EML4: variants seen among roughly 807,000 people sequenced by gnomAD.
EML4 encodes echinoderm microtubule-associated protein-like 4.
EML4 carries 72 observed loss-of-function variants against 129.0 expected under a neutral mutation model. That is an observed-to-expected ratio of 0.56 (90% CI 0.46 to 0.68). The LOEUF is 0.68. Ranked by LOEUF, EML4 falls within the 30% of genes least tolerant of loss-of-function variation. EML4 has a pLI of 0.00. For missense variants in EML4, 1,363 were observed against 1,190.6 expected (o/e 1.14, Z -2.13); for synonymous variants, 532 against 405.0 (o/e 1.31, Z -3.77).
At chr2:42,240,320 T>C (rs1018486387) in intron 1 of EML4, among the ~76,000 whole-genome samples, 3 of 152,216 alleles carry the variant, frequency 2.0e-5, no homozygotes, top group African/African-American at 7.2e-5. Flanking sequence ...AGCAAAAATT[T>C]ATTTTTATTT....
intron 13 of EML4, among the ~76,000 whole-genome samples, chr2:42,298,215 A>C (rs1309997056): frequency 6.6e-6 from 1 of 152,210 alleles, no homozygotes; most frequent in African/African-American, 2.4e-5. Context: ...TAAATTTCAA[A>C]GTCTCCCTAA....
At position 42,301,316 on chromosome 2, in the gene EML4, T is replaced by A; in HGVS notation, c.1565T>A (p.Met522Lys). ...VFTLCQMRNG[M>K]LLTGGGKDRK... is the part of the protein sequence containing the mutation. The stretch of plus-strand genomic sequence containing the variant: ...ACACTTTGTCAGATGAGAAATGGGA[T>A]GTTATTAACTGGAGGAGGGAAAGAC... The change falls in exon 14 of 23, where the codon ATG becomes AAG. Residue 522 changes from methionine (M) to lysine (K), a missense_variant. Transcript: ENST00000318522. The A allele has an allele frequency of 1.9e-6, 3 of 1,613,406 alleles. No individual in the cohort carries two copies. Among genetic ancestry groups the A allele is most frequent in the Non-Finnish European group, 2.5e-6 (3 of 1,179,600 alleles).
intron 1 of EML4, among the ~76,000 whole-genome samples, chr2:42,232,828 C>G (rs905667861): frequency 1.3e-5 from 2 of 152,064 alleles, no homozygotes; most frequent in African/African-American, 4.8e-5. Flanking sequence ...GAGTTCATGC[C>G]ATTCTCCTGC....
At chr2:42,177,490 G>T (rs1014280934) in intron 1 of EML4, among the ~76,000 whole-genome samples, 1 of 152,028 alleles carries the variant, frequency 6.6e-6, no homozygotes, top group African/African-American at 2.4e-5. Flanking sequence ...AGGCATGGTG[G>T]TGCACGCCTG....
chr2:42,208,363 AT>A (rs1401797807), intron 1 of EML4, among the ~76,000 whole-genome samples: 1 of 151,406 alleles, frequency 6.6e-6, no homozygotes, highest in Non-Finnish European at 1.5e-5. Flanking sequence ...ATATTAAAAA[AT>A]TTTTATTTTA....
At position 42,303,524 on chromosome 2, in the gene EML4, A is replaced by G. The variant is rs1668415619; in HGVS notation, c.1899+78A>G. 2.7e-6 allele frequency: 4 copies of G among 1,496,790 alleles called. No homozygotes were observed. In the South Asian group the frequency reaches 4.8e-5, roughly 18 times the overall value. The allele number at this position is 1,496,790 out of a possible 1,614,324, so 92.7% of individuals were successfully genotyped here. On this transcript the variant is annotated intron_variant, in intron 16 of 22. Transcript: ENST00000318522. Reference sequence around the variant, plus strand: ...GGCAGTTGAGAGCAGCAAAGTAAAAAGGACTAAGTGTTGATTCAAACCAAA... The same window carrying G: ...GGCAGTTGAGAGCAGCAAAGTAAAAGGGACTAAGTGTTGATTCAAACCAAA...
chr2:42,258,930 A>C (rs966637338), intron 3 of EML4, among the ~76,000 whole-genome samples: 1 of 152,232 alleles, frequency 6.6e-6, no homozygotes, highest in Non-Finnish European at 1.5e-5. Flanking sequence ...ATCGAATTAC[A>C]AAATGTCCTT....
At chr2:42,266,424 A>C (rs1291926062) in intron 6 of EML4, among the ~76,000 whole-genome samples, 1 of 152,150 alleles carries the variant, frequency 6.6e-6, no homozygotes, top group Non-Finnish European at 1.5e-5. Context: ...GGCTCACTGC[A>C]GCCTTGGCCT....
intron 1 of EML4, among the ~76,000 whole-genome samples, chr2:42,218,280 C>T (rs1007661529): frequency 2.6e-5 from 4 of 152,086 alleles, no homozygotes; most frequent in East Asian, 3.9e-4. Flanking sequence ...CACTGTTTTC[C>T]ATCACTTCCA....
chr2:42,171,654 C>G (rs756811603), intron 1 of EML4, among the ~76,000 whole-genome samples: 2 of 152,134 alleles, frequency 1.3e-5, no homozygotes, highest in South Asian at 4.1e-4. Context: ...TGTGATGAGA[C>G]TTTCCTTTAG....
intron 2 of EML4, among the ~76,000 whole-genome samples, chr2:42,254,483 A>T (rs533793243): frequency 2.0e-4 from 31 of 151,976 alleles, no homozygotes; most frequent in African/African-American, 7.2e-4. Context: ...ACTAAGAAAG[A>T]AGAAAAAACT....
chr2:42,284,160 T>C (rs1395500023), intron 8 of EML4, among the ~76,000 whole-genome samples: 2 of 152,258 alleles, frequency 1.3e-5, no homozygotes, highest in African/African-American at 4.8e-5. Flanking sequence ...AAGATGCTCA[T>C]TGCTGTTTTC....
At chr2:42,297,825 A>G (rs1003077253) in intron 13 of EML4, among the ~76,000 whole-genome samples, 1 of 152,176 alleles carries the variant, frequency 6.6e-6, no homozygotes, top group African/African-American at 2.4e-5. Context: ...TTTCACAACT[A>G]ATCCTTTTAC....
intron 17 of EML4, among the ~76,000 whole-genome samples, chr2:42,305,297 T>C (rs1046819343): frequency 6.6e-6 from 1 of 152,074 alleles, no homozygotes; most frequent in African/African-American, 2.4e-5. Flanking sequence ...TTAAGAACCA[T>C]GTGAGGATAG....
At chr2:42,310,496 C>G (rs766744320) in intron 17 of EML4, among the ~76,000 whole-genome samples, 1 of 152,140 alleles carries the variant, frequency 6.6e-6, no homozygotes, top group Non-Finnish European at 1.5e-5. Context: ...CAAGCGTGCA[C>G]CACCATGCCT....
intron 1 of EML4, among the ~76,000 whole-genome samples, chr2:42,195,565 A>G (rs1183794094): frequency 6.6e-6 from 1 of 152,238 alleles, no homozygotes; most frequent in Non-Finnish European, 1.5e-5. Flanking sequence ...ACGTTTGCAT[A>G]TGCTTGTGCC....
intron 3 of EML4, among the ~76,000 whole-genome samples, chr2:42,258,546 A>G (rs1296873128): frequency 6.6e-6 from 1 of 152,054 alleles, no homozygotes; most frequent in Non-Finnish European, 1.5e-5. Context: ...GATTACAGGC[A>G]TGCGCCACCA....
intron 1 of EML4, among the ~76,000 whole-genome samples, chr2:42,241,183 T>C (rs975098014): frequency 4.6e-5 from 7 of 151,896 alleles, no homozygotes; most frequent in Admixed American, 1.3e-4. Context: ...GATAGATGTA[T>C]TTAGTCAGTG....
intron 1 of EML4, among the ~76,000 whole-genome samples, chr2:42,179,880 C>A (rs1462053758): frequency 6.6e-6 from 1 of 152,150 alleles, no homozygotes; most frequent in Admixed American, 6.5e-5. Context: ...GGATTACAGG[C>A]ATGAGCCACC....
Sources: gnomAD v4.1 joint callset for allele counts (sites outside exome capture counted in the v4.1 genomes callset) on GRCh38, gnomAD v4.1.1 for gene constraint, MANE v1.5 for transcripts, NCBI Gene and HGNC (gene_info 2026-07-23, HGNC 2026-07-21) for gene names.